Variants in RAP1B observed in about 807,000 individuals in gnomAD.
The protein encoded by RAP1B is ras-related protein Rap-1b.
RAP1B carries 1 observed loss-of-function variant against 27.5 expected under a neutral mutation model. The observed-to-expected ratio is 0.04, with a 90% CI of 0.01 to 0.17. The LOEUF is 0.17. Among genes scored for constraint, RAP1B ranks in the 10% least tolerant of loss-of-function variants. The pLI is 1.00. For missense variants in RAP1B, 84 were observed against 214.8 expected, an observed-to-expected ratio of 0.39 and a Z score of 3.81; for synonymous variants, 75 against 73.1, an observed-to-expected ratio of 1.03 and a Z score of -0.13.
intron 1 of RAP1B, among the ~76,000 whole-genome samples, chr12:68,619,952 CT>C (rs2135916468): frequency 6.6e-6 from 1 of 152,210 alleles, no homozygotes; most frequent in African/African-American, 2.4e-5. Context: ...ACAGAATTCC[CT>C]TGTGTCCAAA....
intron 1 of RAP1B, among the ~76,000 whole-genome samples, chr12:68,618,334 C>T (rs935315873): frequency 2.6e-5 from 4 of 151,972 alleles, no homozygotes; most frequent in Admixed American, 1.3e-4. Flanking sequence ...GTGATCTGCC[C>T]GCCTCGGCCT....
chr12:68,637,911 A>G (rs932439466), intron 1 of RAP1B, among the ~76,000 whole-genome samples: 2 of 152,132 alleles, frequency 1.3e-5, no homozygotes, highest in Non-Finnish European at 2.9e-5. Flanking sequence ...TATGTTATTT[A>G]AATATGGGTC....
chr12:68,642,862 A>G lies in RAP1B; in HGVS notation c.-26-5837A>G, dbSNP rs1236395151. The G allele has an allele frequency of 4.0e-6, 4 of 994,312 alleles. No individual in the cohort carries two copies. The East Asian group carries it at 7.1e-5, about 18-fold the overall frequency. The allele number at this position is 994,312 out of a possible 1,614,324, so 61.6% of individuals were successfully genotyped here. ...CGATAACCGGTGGATTCTCAGGTAA[A>G]GCAGCCAACCTGGAGGTGAGGGTCT... On this transcript the variant is annotated intron_variant, in intron 1 of 7. Transcript: ENST00000250559.
chr12:68,635,010 G>T (rs1302713188), intron 1 of RAP1B, among the ~76,000 whole-genome samples: 1 of 152,282 alleles, frequency 6.6e-6, no homozygotes, highest in Non-Finnish European at 1.5e-5. Context: ...GCACTTTCTA[G>T]ATTTAGAAAT....
intron 2 of RAP1B, chr12:68,649,530 A>G (rs1330789885): frequency 6.6e-6 from 1 of 152,118 alleles, no homozygotes; most frequent in Non-Finnish European, 1.5e-5. Context: ...GGGAAAGAGG[A>G]AAAACGTAGG....
At chr12:68,634,824 A>G (rs190675956) in intron 1 of RAP1B, among the ~76,000 whole-genome samples, 103 of 152,322 alleles carry the variant, frequency 6.8e-4, no homozygotes, top group African/African-American at 2.4e-3. Context: ...TGCATGTCAA[A>G]TTATATGTTG....
At position 68,665,435 on chromosome 12, in the gene RAP1B, G is replaced by GT; in HGVS notation, c.*6187dup. On this transcript the variant is annotated 3_prime_UTR_variant, in exon 8 of 8. Coordinates refer to ENST00000250559, the MANE Select transcript of RAP1B (RefSeq NM_001010942.3). ...CATGAGTGTGAATGAAATTATTTTC[G>GT]TAAGAATTACTTGGGGTTAAAAATA... 6.6e-6 allele frequency: 1 copy of GT among 152,286 alleles called. No individual in the cohort carries two copies. The highest frequency in any genetic ancestry group is 2.1e-4 in the South Asian group (1 of 4,832). The allele number at this position is 152,286 out of a possible 1,614,324, so 9.4% of individuals were successfully genotyped here.
At chr12:68,621,974 G>A (rs1346330725) in intron 1 of RAP1B, among the ~76,000 whole-genome samples, 1 of 151,996 alleles carries the variant, frequency 6.6e-6, no homozygotes, top group African/African-American at 2.4e-5. Flanking sequence ...ATTCCATTGG[G>A]TGTGAAATCA....
Position 68,661,673 on chromosome 12 carries a change from G to A in RAP1B, c.*2424G>A, listed in dbSNP as rs1874601281. ...CCCCCAAGTTGTGGCAACCAAAAAT[G>A]TTTCCAGACATTGCCAGATGTTCCC... On this transcript the variant is annotated 3_prime_UTR_variant, in exon 8 of 8. Transcript: ENST00000250559. 6.6e-6 allele frequency: 1 copy of A among 151,916 alleles called. No homozygotes were observed. Among genetic ancestry groups the A allele is most frequent in the Admixed American group, 6.6e-5 (1 of 15,196 alleles). The allele number at this position is 151,916 out of a possible 1,614,324, so 9.4% of individuals were successfully genotyped here. A position where few individuals can be genotyped will look rare whatever the true frequency, so the allele number is the denominator to read the frequency against.
At chr12:68,658,855 T>C (rs983872126) in intron 7 of RAP1B, among the ~76,000 whole-genome samples, 8 of 152,384 alleles carry the variant, frequency 5.2e-5, no homozygotes, top group South Asian at 2.1e-4. Context: ...TCTATACTTA[T>C]GATCTAATTC....
intron 1 of RAP1B, chr12:68,626,941 G>T: frequency 1.3e-6 from 2 of 1,536,364 alleles, no homozygotes; most frequent in Non-Finnish European, 1.8e-6. Flanking sequence ...CAGCCATCTG[G>T]GATGAGCCGC....
At chr12:68,650,884 A>G (rs1414362880) in intron 3 of RAP1B, 1 of 152,492 alleles carries the variant, frequency 6.6e-6, no homozygotes, top group Non-Finnish European at 1.5e-5. Context: ...AATATCCCTT[A>G]TCTGAAATAA....
chr12:68,644,413 T>C (rs1873245362), intron 1 of RAP1B, among the ~76,000 whole-genome samples: 1 of 151,878 alleles, frequency 6.6e-6, no homozygotes, highest in Non-Finnish European at 1.5e-5. Flanking sequence ...AAACCCCGTC[T>C]CTACTAAAAA....
chr12:68,647,255 C>T (rs1248604824), intron 1 of RAP1B, among the ~76,000 whole-genome samples: 3 of 151,788 alleles, frequency 2.0e-5, no homozygotes, highest in Non-Finnish European at 4.4e-5. Context: ...GGTTTTGAAG[C>T]CGGGTGTGGT....
At chr12:68,619,443 T>G (rs183219491) in intron 1 of RAP1B, among the ~76,000 whole-genome samples, 1 of 152,324 alleles carries the variant, frequency 6.6e-6, no homozygotes, top group East Asian at 1.9e-4. Context: ...ATGCATAGTA[T>G]TATAAAAATC....
chr12:68,638,287 A>AT (rs1243988723), intron 1 of RAP1B, among the ~76,000 whole-genome samples: 35 of 151,910 alleles, frequency 2.3e-4, no homozygotes, highest in Admixed American at 3.9e-4. Context: ...TAGTCTCTTT[A>AT]TTTGTGGTAT....
Position 68,666,939 on chromosome 12 carries a change from CAG to C in RAP1B, c.*7693_*7694del. ...TTAGGTGAGACTTTAATGAGTCCAT[CAG>C]AGGTTTAGTATGGACTAGTTCTACA... On this transcript the variant is annotated 3_prime_UTR_variant, in exon 8 of 8. Transcript: ENST00000250559. The C allele has an allele frequency of 6.6e-6, 1 of 152,218 alleles. No individual in the cohort carries two copies. Among genetic ancestry groups the C allele is most frequent in the Non-Finnish European group, 1.5e-5 (1 of 67,998 alleles). The allele number at this position is 152,218 out of a possible 1,614,324, so 9.4% of individuals were successfully genotyped here.
chr12:68,615,037 A>C (rs1870881932), intron 1 of RAP1B, among the ~76,000 whole-genome samples: 1 of 152,226 alleles, frequency 6.6e-6, no homozygotes. Flanking sequence ...TATTTTAAAC[A>C]AGAAAAGTTA....
At chr12:68,650,191 A>T (rs1013218817) in intron 2 of RAP1B, 1 of 355,988 alleles carries the variant, frequency 2.8e-6, no homozygotes, top group South Asian at 6.5e-5. Context: ...GAATTACCCA[A>T]TAAGGAGCAT....
Sources: allele counts gnomAD v4.1 joint callset (sites outside exome capture counted in the v4.1 genomes callset), GRCh38; gene constraint gnomAD v4.1.1; transcripts MANE v1.5; gene names NCBI Gene and HGNC (gene_info 2026-07-23, HGNC 2026-07-21).